The following RAP1B variants were observed in gnomAD, a reference collection of about 807,000 sequenced individuals.
RAP1B encodes the protein RAP1B, member of RAS oncogene family.
In RAP1B, 1 loss-of-function variant was observed where a neutral mutation model predicts 27.5. The observed-to-expected ratio is 0.04, with a 90% CI of 0.01 to 0.17. The LOEUF is 0.17. Among genes scored for constraint, RAP1B ranks in the 10% least tolerant of loss-of-function variants. The pLI, the probability that RAP1B is intolerant of heterozygous loss-of-function variation, is 1.00. For missense variants in RAP1B, 84 were observed against 214.8 expected, an observed-to-expected ratio of 0.39 and a Z score of 3.81; for synonymous variants, 75 against 73.1, an observed-to-expected ratio of 1.03 and a Z score of -0.13.
At chr12:68,649,802 A>G (rs1284655675) in intron 2 of RAP1B, 1 of 152,248 alleles carries the variant, frequency 6.6e-6, no homozygotes, top group Non-Finnish European at 1.5e-5. Context: ...TAATTTAAAA[A>G]TCAAATTTAA....
intron 1 of RAP1B, among the ~76,000 whole-genome samples, chr12:68,617,099 A>T (rs896088466): frequency 1.3e-5 from 2 of 152,256 alleles, no homozygotes; most frequent in Admixed American, 1.3e-4. Context: ...TTATCCTCAC[A>T]TTAGAATATA....
At chr12:68,626,945 G>A in intron 1 of RAP1B, 1 of 1,531,246 alleles carries the variant, frequency 6.5e-7, no homozygotes, top group Middle Eastern at 2.3e-4. Context: ...CATCTGGGAT[G>A]AGCCGCTTCT....
At position 68,662,349 on chromosome 12, in the gene RAP1B, AC is replaced by A. The variant is rs1874644543; in HGVS notation, c.*3101del. On this transcript the variant is annotated 3_prime_UTR_variant, in exon 8 of 8. Transcript: ENST00000250559. The stretch of plus-strand genomic sequence containing the variant: ...AGAAAATCAGAGTGGTCTTTCACTT[AC>A]ATTTTTCTAAAAAGTGTAAAAACCC... The A allele has an allele frequency of 6.6e-6, 1 of 152,116 alleles. No individual in the cohort carries two copies. The highest frequency in any genetic ancestry group is 1.5e-5 in the Non-Finnish European group (1 of 68,004). The allele number at this position is 152,116 out of a possible 1,614,324, so 9.4% of individuals were successfully genotyped here.
At position 68,637,745 on chromosome 12, in the gene RAP1B, A is replaced by C. The variant is rs949841353; in HGVS notation, c.-26-10954A>C. Among the ~76,000 whole-genome samples, 183 of 151,672 alleles carry C rather than the reference A, an allele frequency of 1.2e-3. 5 individuals carry two copies. The highest frequency in any genetic ancestry group is 1.2e-4 in the Non-Finnish European group (8 of 67,974). On this transcript the variant is annotated intron_variant, in intron 1 of 7. Coordinates refer to ENST00000250559, the MANE Select transcript of RAP1B (RefSeq NM_001010942.3). ...CCCTGAGCTCCAAAGATGATACAGT[A>C]TTTACTTTTAAGTGTATAAGGAAAA...
chr12:68,613,917 T>A (rs1177729973), intron 1 of RAP1B, among the ~76,000 whole-genome samples: 1 of 152,234 alleles, frequency 6.6e-6, no homozygotes, highest in Non-Finnish European at 1.5e-5. Context: ...TCCAATATTT[T>A]CTCTTAGCTG....
intron 1 of RAP1B, among the ~76,000 whole-genome samples, chr12:68,627,569 G>A (rs752211571): frequency 4.6e-5 from 7 of 151,984 alleles, no homozygotes; most frequent in Non-Finnish European, 1.0e-4. Context: ...TATTCCCAGC[G>A]TGACTTTTGT....
intron 1 of RAP1B, among the ~76,000 whole-genome samples, chr12:68,644,381 G>A (rs954134857): frequency 4.6e-5 from 7 of 151,970 alleles, no homozygotes; most frequent in African/African-American, 1.7e-4. Context: ...AGGAGATTGA[G>A]ACCAATCTGG....
intron 1 of RAP1B, among the ~76,000 whole-genome samples, chr12:68,630,033 T>C (rs1872120946): frequency 6.6e-6 from 1 of 152,228 alleles, no homozygotes; most frequent in Non-Finnish European, 1.5e-5. Flanking sequence ...ACAGTAGCCA[T>C]TGGTAATTGA....
intron 1 of RAP1B, among the ~76,000 whole-genome samples, chr12:68,639,408 T>C (rs182017710): frequency 2.6e-5 from 4 of 152,362 alleles, no homozygotes; most frequent in Admixed American, 2.6e-4. Flanking sequence ...AAAGTTAATG[T>C]TACTTTCTAC....
In RAP1B at chr12:68,648,682, T is replaced by G; in HGVS notation, c.-26-17T>G. The G allele has an allele frequency of 6.4e-7, 1 of 1,571,366 alleles. No homozygotes were observed. The highest frequency in any genetic ancestry group is 8.7e-7 in the Non-Finnish European group (1 of 1,148,896). On this transcript the variant is annotated splice_polypyrimidine_tract_variant and intron_variant, in intron 1 of 7. Coordinates refer to ENST00000250559, the MANE Select transcript of RAP1B (RefSeq NM_001010942.3). ...CAACTTTACTTAGAATTCTTTTTTT[T>G]TTTTTCCTTTAATAAGGTACTAGGT... is the stretch of plus-strand genomic sequence containing the variant.
chr12:68,640,717 T>G (rs1159543180), intron 1 of RAP1B, among the ~76,000 whole-genome samples: 1 of 152,206 alleles, frequency 6.6e-6, no homozygotes, highest in Non-Finnish European at 1.5e-5. Flanking sequence ...ATAATTTGGA[T>G]CAGTAATATC....
chr12:68,653,475 T>C (rs1173275252), intron 4 of RAP1B, among the ~76,000 whole-genome samples: 1 of 152,206 alleles, frequency 6.6e-6, no homozygotes, highest in African/African-American at 2.4e-5. Context: ...ATTTGAGTCA[T>C]AGCTAATAGA....
intron 3 of RAP1B, among the ~76,000 whole-genome samples, chr12:68,651,344 A>C (rs116690877): frequency 2.0e-4 from 30 of 152,262 alleles, no homozygotes; most frequent in African/African-American, 7.0e-4. Context: ...TTGCACAAAT[A>C]CTGTGTTTCC....
chr12:68,634,830 T>G (rs1872521404), intron 1 of RAP1B, among the ~76,000 whole-genome samples: 1 of 152,184 alleles, frequency 6.6e-6, no homozygotes, highest in South Asian at 2.1e-4. Context: ...TCAAATTATA[T>G]GTTGTTGAAT....
At chr12:68,620,207 TTTTTTA>T (rs1004884426) in intron 1 of RAP1B, among the ~76,000 whole-genome samples, 2 of 151,256 alleles carry the variant, frequency 1.3e-5, no homozygotes, top group East Asian at 1.9e-4. Flanking sequence ...TTTTTTATTT[TTTTTTA>T]TTTTTATTTT....
intron 6 of RAP1B, chr12:68,656,778 T>C: frequency 1.9e-6 from 1 of 528,578 alleles, no homozygotes; most frequent in Non-Finnish European, 3.3e-6. Flanking sequence ...GCATGGTTCT[T>C]GAAAGGCTCC....
intron 1 of RAP1B, chr12:68,627,396 A>G (rs1871880183): frequency 3.4e-6 from 2 of 593,194 alleles, no homozygotes; most frequent in African/African-American, 1.8e-5. Flanking sequence ...TTTAAAACAC[A>G]CAAATATACC....
At chr12:68,616,572 T>A (rs2135910792) in intron 1 of RAP1B, among the ~76,000 whole-genome samples, 1 of 149,806 alleles carries the variant, frequency 6.7e-6, no homozygotes, top group South Asian at 2.2e-4. Flanking sequence ...TAGCTAGTAC[T>A]ACAGGCGCAC....
chr12:68,627,332 C>CT (rs1871873784), intron 1 of RAP1B: 1 of 744,034 alleles, frequency 1.3e-6, no homozygotes, highest in Non-Finnish European at 2.4e-6. Flanking sequence ...GCACACTGGG[C>CT]CCCCCCATGA....
Sources: allele counts gnomAD v4.1 joint callset (sites outside exome capture counted in the v4.1 genomes callset), GRCh38; gene constraint gnomAD v4.1.1; transcripts MANE v1.5; gene names NCBI Gene and HGNC (gene_info 2026-07-23, HGNC 2026-07-21).